FOXP2: variants seen among roughly 807,000 people sequenced by gnomAD.
FOXP2 encodes the protein forkhead box P2.
In FOXP2, 12 loss-of-function variants were observed where a neutral mutation model predicts 115.8. That is an observed-to-expected ratio of 0.10 (90% CI 0.07 to 0.17). FOXP2 has a LOEUF of 0.17. Among genes scored for constraint, FOXP2 ranks in the 10% least tolerant of loss-of-function variants. The pLI is 1.00. For missense variants in FOXP2, 629 were observed against 843.5 expected, an observed-to-expected ratio of 0.75 and a Z score of 3.15; for synonymous variants, 328 against 297.7, an observed-to-expected ratio of 1.10 and a Z score of -1.05.
intron 1 of FOXP2, among the ~76,000 whole-genome samples, chr7:114,104,149 A>C (rs1791056359): frequency 6.6e-6 from 1 of 151,934 alleles, no homozygotes; most frequent in African/African-American, 2.4e-5. Context: ...AATTATGGGC[A>C]GCATGGCTTT....
At chr7:114,558,669 C>T (rs765927327) in intron 3 of FOXP2, among the ~76,000 whole-genome samples, 6 of 152,170 alleles carry the variant, frequency 3.9e-5, no homozygotes, top group Non-Finnish European at 8.8e-5. Flanking sequence ...ACCCCGTCTC[C>T]ATTTGTATAC....
chr7:114,461,289 A>G (rs1562940259), intron 2 of FOXP2, among the ~76,000 whole-genome samples: 1 of 152,162 alleles, frequency 6.6e-6, no homozygotes, highest in Non-Finnish European at 1.5e-5. Context: ...AGCTTCTGAT[A>G]ATAATTTCAT....
chr7:114,188,066 A>G (rs1212668401), intron 1 of FOXP2, among the ~76,000 whole-genome samples: 1 of 152,170 alleles, frequency 6.6e-6, no homozygotes, highest in African/African-American at 2.4e-5. Context: ...AAACGATAGC[A>G]ATAGTTTCAC....
intron 3 of FOXP2, 42 bp downstream of exon 3, chr7:114,534,748 A>G (rs1201265337): frequency 4.7e-6 from 7 of 1,492,402 alleles, no homozygotes; most frequent in South Asian, 2.3e-5. Flanking sequence ...ATTTTAAAAG[A>G]TGTTCATAAT....
At chr7:114,315,741 A>C (rs1797261970) in intron 2 of FOXP2, among the ~76,000 whole-genome samples, 1 of 152,146 alleles carries the variant, frequency 6.6e-6, no homozygotes, top group Non-Finnish European at 1.5e-5. Flanking sequence ...TCCTCAGAGG[A>C]ATACAGGGAG....
At chr7:114,643,171 G>A (rs1349961081) in intron 7 of FOXP2, among the ~76,000 whole-genome samples, 10 of 151,960 alleles carry the variant, frequency 6.6e-5, no homozygotes, top group Non-Finnish European at 1.2e-4. Flanking sequence ...ATGTAGTTTG[G>A]GAGTTTGCCT....
intron 3 of FOXP2, among the ~76,000 whole-genome samples, chr7:114,588,083 G>A (rs1802238795): frequency 6.6e-6 from 1 of 151,800 alleles, no homozygotes; most frequent in African/African-American, 2.4e-5. Context: ...GCCGAGGTGA[G>A]CGGATCACGA....
intron 1 of FOXP2, among the ~76,000 whole-genome samples, chr7:114,272,551 T>C (rs1796091581): frequency 1.3e-5 from 2 of 151,882 alleles, no homozygotes; most frequent in Non-Finnish European, 2.9e-5. Flanking sequence ...TTGACTCAAT[T>C]TCTTTAATAG....
intron 2 of FOXP2, among the ~76,000 whole-genome samples, chr7:114,406,355 T>C (rs1307455862): frequency 1.3e-5 from 2 of 152,004 alleles, no homozygotes; most frequent in Admixed American, 1.3e-4. Context: ...ACAGTTATTT[T>C]AACATTAGCT....
At chr7:114,132,820 A>T (rs1239644029) in intron 1 of FOXP2, among the ~76,000 whole-genome samples, 2 of 152,120 alleles carry the variant, frequency 1.3e-5, no homozygotes, top group Non-Finnish European at 2.9e-5. Context: ...AAGCAAGGGT[A>T]AAGAGTAGTA....
intron 3 of FOXP2, among the ~76,000 whole-genome samples, chr7:114,554,878 A>G (rs991943929): frequency 4.6e-5 from 7 of 152,144 alleles, no homozygotes; most frequent in African/African-American, 1.7e-4. Flanking sequence ...ACGTATCTGT[A>G]TGATGATTTT....
intron 1 of FOXP2, among the ~76,000 whole-genome samples, chr7:114,123,484 G>T (rs1425607816): frequency 6.6e-6 from 1 of 151,862 alleles, no homozygotes; most frequent in Non-Finnish European, 1.5e-5. Flanking sequence ...AAGCAAAATT[G>T]TAATGAAAGT....
At chr7:114,140,101 C>G (rs991920389) in intron 1 of FOXP2, among the ~76,000 whole-genome samples, 7 of 151,780 alleles carry the variant, frequency 4.6e-5, no homozygotes, top group African/African-American at 1.7e-4. Flanking sequence ...TGACAAAGTG[C>G]GACTGTGTTT....
chr7:114,546,500 A>G (rs1303165685), intron 3 of FOXP2, among the ~76,000 whole-genome samples: 1 of 152,230 alleles, frequency 6.6e-6, no homozygotes, highest in Non-Finnish European at 1.5e-5. Flanking sequence ...GTTGTTTTAC[A>G]TATGCCAGGC....
chr7:114,343,771 C>T (rs577416076), intron 2 of FOXP2, among the ~76,000 whole-genome samples: 137 of 151,766 alleles, frequency 9.0e-4, no homozygotes, highest in African/African-American at 3.1e-3. Flanking sequence ...CTCAATGTCA[C>T]CTTCTTAATA....
intron 1 of FOXP2, among the ~76,000 whole-genome samples, chr7:114,117,695 T>G (rs1791447765): frequency 6.6e-6 from 1 of 152,180 alleles, no homozygotes; most frequent in Non-Finnish European, 1.5e-5. Flanking sequence ...GATTAAAACC[T>G]GGATCTCTTA....
chr7:114,426,713 C>T (rs1323581787), intron 2 of FOXP2, 34 bp downstream of exon 2: 1 of 1,603,808 alleles, frequency 6.2e-7, no homozygotes, highest in Admixed American at 1.7e-5. Flanking sequence ...TTCCTTAAAA[C>T]AAATAAGCTT....
At chr7:114,341,598 A>G (rs538613388) in intron 2 of FOXP2, among the ~76,000 whole-genome samples, 3 of 151,530 alleles carry the variant, frequency 2.0e-5, no homozygotes, top group South Asian at 2.1e-4. Flanking sequence ...TTGATGGCCT[A>G]TAACTACTAA....
chr7:114,486,217 TC>T (rs1272929832), intron 2 of FOXP2, among the ~76,000 whole-genome samples: 14 of 151,942 alleles, frequency 9.2e-5, no homozygotes, highest in African/African-American at 3.4e-4. Context: ...GGCCTCACAA[TC>T]ATGGTGGAAG....
Sources: gnomAD v4.1 joint callset for allele counts (sites outside exome capture counted in the v4.1 genomes callset) on GRCh38, gnomAD v4.1.1 for gene constraint, MANE v1.5 for transcripts, NCBI Gene and HGNC (gene_info 2026-07-23, HGNC 2026-07-21) for gene names.